Variants in CPD observed in about 807,000 individuals in gnomAD.
The protein encoded by CPD is metallocarboxypeptidase D.
A neutral mutation model predicts 138.3 loss-of-function variants in CPD; 69 were observed. The observed-to-expected ratio is 0.50, with a 90% CI of 0.41 to 0.61. The LOEUF (loss-of-function observed/expected upper bound fraction) is 0.61. CPD is among the 20% of genes least tolerant of loss of function. The pLI is 0.00. For synonymous variants in CPD, 651 were observed against 642.1 expected, an observed-to-expected ratio of 1.01 and a Z score of -0.21; for missense variants, 1,432 against 1,733.3, an observed-to-expected ratio of 0.83 and a Z score of 3.09.
rs16965805 is a variant in CPD at position 30,455,653 on chromosome 17, T to C, written c.3337+183T>C. The C allele has an allele frequency of 8.4e-4, 473 of 565,250 alleles. 1 individual carries two copies. In the African/African-American group the frequency reaches 8.4e-3, roughly 10 times the overall value. 35.0% of individuals were successfully genotyped at this position (565,250 alleles called of 1,614,324 possible). ...AGTTACTTGGAGAGCTCAGATCTAA[T>C]GGTAGCCCAGCTTTATTGAGTCTAG... On this transcript the variant is annotated intron_variant, in intron 15 of 20. Coordinates refer to ENST00000225719, the MANE Select transcript of CPD (RefSeq NM_001304.5).
chr17:30,407,111 C>A (rs911572517), intron 2 of CPD, among the ~76,000 whole-genome samples: 2 of 152,106 alleles, frequency 1.3e-5, no homozygotes, highest in African/African-American at 4.8e-5. Flanking sequence ...GTGGTAGTTT[C>A]CAGCTTCATC....
intron 2 of CPD, among the ~76,000 whole-genome samples, chr17:30,396,581 G>T (rs1389212881): frequency 6.6e-6 from 1 of 152,110 alleles, no homozygotes; most frequent in Non-Finnish European, 1.5e-5. Context: ...TAATCAAGAC[G>T]GATTGAGTAT....
intron 2 of CPD, among the ~76,000 whole-genome samples, chr17:30,411,031 G>T (rs1911953388): frequency 6.6e-6 from 1 of 152,078 alleles, no homozygotes; most frequent in Non-Finnish European, 1.5e-5. Context: ...CTTCCTTTAG[G>T]AGCTCTTGTA....
At chr17:30,402,553 G>A (rs755964557) in intron 2 of CPD, among the ~76,000 whole-genome samples, 3 of 152,136 alleles carry the variant, frequency 2.0e-5, no homozygotes, top group Non-Finnish European at 2.9e-5. Context: ...GTGACAGAGC[G>A]AGACTCTGTC....
At chr17:30,464,415 A>G (rs1416582570) in intron 20 of CPD, among the ~76,000 whole-genome samples, 173 bp from the exon 21 acceptor site, 1 of 152,158 alleles carries the variant, frequency 6.6e-6, no homozygotes. Context: ...CTGTATTTTT[A>G]AACTTTGTAT....
At chr17:30,410,185 C>A (rs1231432915) in intron 2 of CPD, among the ~76,000 whole-genome samples, 1 of 152,122 alleles carries the variant, frequency 6.6e-6, no homozygotes, top group East Asian at 1.9e-4. Flanking sequence ...GTTTCTTAAT[C>A]CTGAGTTCTA....
chr17:30,409,915 C>T (rs1031353056), intron 2 of CPD, among the ~76,000 whole-genome samples: 14 of 152,068 alleles, frequency 9.2e-5, no homozygotes, highest in Non-Finnish European at 1.6e-4. Context: ...AATGTGTTTG[C>T]TCTTGCTTCT....
Position 30,443,946 on chromosome 17 carries a change from T to C in CPD, c.2518T>C (p.Tyr840His). 1 of 1,613,868 alleles carries C rather than the reference T, an allele frequency of 6.2e-7. No individual in the cohort carries two copies. Among genetic ancestry groups the C allele is most frequent in the Admixed American group, 1.7e-5 (1 of 59,992 alleles). ...DYWRLLVPGT[Y>H]KITASARGYN... ...CTGGCGTCTCTTGGTTCCAGGAACTTATAAAATCACAGCATCTGCTCGAGG... is the reference window on the plus strand; with the variant it reads ...CTGGCGTCTCTTGGTTCCAGGAACTCATAAAATCACAGCATCTGCTCGAGG... Residue 840 changes from tyrosine to histidine, a missense_variant, in exon 11 of 21, where the codon TAT becomes CAT. This residue lies in a region of CPD where 297 missense variants were observed against 405.3 expected (regional missense o/e 0.73). Transcript: ENST00000225719.
intron 2 of CPD, among the ~76,000 whole-genome samples, chr17:30,401,387 TTCC>T (rs1336557466): frequency 6.6e-6 from 1 of 150,504 alleles, no homozygotes; most frequent in African/African-American, 2.4e-5. Context: ...CTTCCTCCTC[TTCC>T]TCTTCTTCCT....
intron 9 of CPD, among the ~76,000 whole-genome samples, chr17:30,439,736 A>T (rs2143460244): frequency 1.5e-5 from 1 of 66,990 alleles, no homozygotes; most frequent in African/African-American, 7.3e-5. Context: ...AAGGACATGA[A>T]CTCATCATTT....
intron 2 of CPD, among the ~76,000 whole-genome samples, chr17:30,416,082 C>T (rs913605728): frequency 1.3e-5 from 2 of 152,118 alleles, no homozygotes; most frequent in Non-Finnish European, 2.9e-5. Flanking sequence ...CCTGTAATCC[C>T]AGCACTTTGG....
chr17:30,425,152 A>G (rs1214903849), intron 6 of CPD, among the ~76,000 whole-genome samples: 1 of 152,114 alleles, frequency 6.6e-6, no homozygotes, highest in Non-Finnish European at 1.5e-5. Context: ...TATAATGACA[A>G]TAGTAAGGCT....
In CPD at chr17:30,456,561, T is replaced by C. The variant is rs376497391; in HGVS notation, c.3498+35T>C. Reference sequence around the variant, plus strand: ...CTAGAACATGGTTAGAATGGAGTTATGGCCAGGCACAATGCCGTATGTGTA... The same window carrying C: ...CTAGAACATGGTTAGAATGGAGTTACGGCCAGGCACAATGCCGTATGTGTA... On this transcript the variant is annotated intron_variant, in intron 17 of 20. Transcript: ENST00000225719. The C allele has an allele frequency of 5.9e-4, 944 of 1,601,100 alleles. 1 individual carries two copies. Among genetic ancestry groups the C allele is most frequent in the Non-Finnish European group, 7.4e-4 (869 of 1,168,240 alleles).
At position 30,439,069 on chromosome 17, in the gene CPD, A is replaced by G; in HGVS notation, c.2222A>G (p.Asn741Ser). 6.3e-7 allele frequency: 1 copy of G among 1,578,766 alleles called. No homozygotes were observed. Among genetic ancestry groups the G allele is most frequent in the South Asian group, 1.2e-5 (1 of 85,078 alleles). ...ATAACAAATGGAGCTAGTTGGTATA[A>G]TGTGCCAGGTAAAGATTCTTTTATA... is the stretch of plus-strand genomic sequence containing the variant. The part of the protein sequence containing the change: ...HGITNGASWY[N>S]VPGGMQDWNY... The change falls in exon 9 of 21, where the codon AAT (asparagine) becomes AGT (serine). Residue 741 changes from asparagine (N) to serine (S), a missense_variant. By Grantham distance (46) the Asn-to-Ser change is conservative. Coordinates refer to ENST00000225719, the MANE Select transcript of CPD (RefSeq NM_001304.5).
rs1177966825 is a variant in CPD at position 30,469,470 on chromosome 17, G to T, written c.*4656G>T. On this transcript the variant is annotated 3_prime_UTR_variant, in exon 21 of 21. Transcript: ENST00000225719. ...ATTAAATGAAATAATGTTAGCAAAG[G>T]TCCCAACATAATATTTGACTTGGAA... 1 of 152,128 alleles carries T rather than the reference G, an allele frequency of 6.6e-6. No individual in the cohort carries two copies. Among genetic ancestry groups the T allele is most frequent in the Non-Finnish European group, 1.5e-5 (1 of 68,020 alleles). 9.4% of individuals were successfully genotyped at this position (152,128 alleles called of 1,614,324 possible). A position where few individuals can be genotyped will look rare whatever the true frequency, so the allele number is the denominator to read the frequency against.
intron 17 of CPD, 85 bp downstream of exon 17, chr17:30,456,611 G>A (rs1913305132): frequency 3.0e-6 from 4 of 1,354,404 alleles, no homozygotes; most frequent in South Asian, 1.2e-5. Context: ...GGAGGCCAAG[G>A]CAGGTGGATT....
intron 14 of CPD, among the ~76,000 whole-genome samples, chr17:30,453,849 C>T (rs1913226126): frequency 6.6e-6 from 1 of 152,218 alleles, no homozygotes; most frequent in Non-Finnish European, 1.5e-5. Context: ...CTCAATGCCA[C>T]ATGGAAGCTG....
chr17:30,455,902 G>T, intron 15 of CPD: 1 of 270,982 alleles, frequency 3.7e-6, no homozygotes, highest in Non-Finnish European at 7.0e-6. Context: ...AATCTCTGTG[G>T]GGTCGCAGTA....
chr17:30,456,149 T>C (rs1913286596), intron 15 of CPD, 107 bp from the exon 16 acceptor site: 1 of 783,442 alleles, frequency 1.3e-6, no homozygotes, highest in Non-Finnish European at 2.1e-6. Context: ...TTAAGTGGAG[T>C]GCAAAATTTA....
Sources: gnomAD v4.1 joint callset for allele counts (sites outside exome capture counted in the v4.1 genomes callset) on GRCh38, gnomAD v4.1.1 for gene constraint, gnomAD v4.1.1 regional missense constraint, MANE v1.5 for transcripts, NCBI Gene and HGNC (gene_info 2026-07-23, HGNC 2026-07-21) for gene names.